Variants in RYR2 observed in about 807,000 individuals in gnomAD.
RYR2 encodes the protein ryanodine receptor 2.
In RYR2, 227 loss-of-function variants were observed where a neutral mutation model predicts 601.1. The ratio of observed to expected loss-of-function variants is 0.38; its 90% CI spans 0.34 to 0.42. The LOEUF (loss-of-function observed/expected upper bound fraction) is 0.42. Among genes scored for constraint, RYR2 ranks in the 10% least tolerant of loss-of-function variants. The pLI, the probability that RYR2 is intolerant of heterozygous loss-of-function variation, is 1.00. For missense variants in RYR2, 4,646 were observed against 6,156.5 expected, an observed-to-expected ratio of 0.75 and a Z score of 8.21; for synonymous variants, 2,223 against 2,175.1, an observed-to-expected ratio of 1.02 and a Z score of -0.61.
chr1:237,738,508 T>G (rs1042124828), intron 79 of RYR2, among the ~76,000 whole-genome samples: 5 of 152,104 alleles, frequency 3.3e-5, no homozygotes, highest in African/African-American at 7.2e-5. Flanking sequence ...CTTGCTTTTC[T>G]TTTCATGTAG....
At chr1:237,237,622 C>A (rs1685680252) in intron 1 of RYR2, among the ~76,000 whole-genome samples, 1 of 152,082 alleles carries the variant, frequency 6.6e-6, no homozygotes, top group African/African-American at 2.4e-5. Context: ...AGATAACAGG[C>A]CCTGAAAGAA....
intron 65 of RYR2, among the ~76,000 whole-genome samples, chr1:237,701,124 C>T (rs956071124): frequency 5.9e-5 from 9 of 152,248 alleles, no homozygotes; most frequent in Non-Finnish European, 1.3e-4. Context: ...AACTCAGACT[C>T]GTGCATTGTC....
chr1:237,446,800 A>G (rs756742525), intron 14 of RYR2, among the ~76,000 whole-genome samples: 11 of 152,068 alleles, frequency 7.2e-5, no homozygotes, highest in Non-Finnish European at 1.5e-4. Context: ...TATGCACCAC[A>G]TTTTTGTATT....
intron 12 of RYR2, among the ~76,000 whole-genome samples, chr1:237,428,266 A>G (rs1237860037): frequency 6.6e-6 from 1 of 152,218 alleles, no homozygotes. Context: ...TACCCAAAGG[A>G]ATATAAATCA....
chr1:237,683,275 A>G (rs1309398872), intron 62 of RYR2, among the ~76,000 whole-genome samples: 1 of 152,220 alleles, frequency 6.6e-6, no homozygotes, highest in Non-Finnish European at 1.5e-5. Context: ...AATTAAAACC[A>G]ATGTTTCCAT....
At position 237,417,074 on chromosome 1, in the gene RYR2, G is replaced by GT; in HGVS notation, c.800dup (p.Ser268ValfsTer56). Reference sequence around the variant, plus strand: ...AACTGTTCATTATGAAGGTGGCGCTGTGTCTGTTCATGCACGTTCCCTTTG... The same window carrying GT: ...AACTGTTCATTATGAAGGTGGCGCTGTTGTCTGTTCATGCACGTTCCCTTTG... On this transcript the variant is annotated frameshift_variant, in exon 11 of 105. Coordinates refer to ENST00000366574, the MANE Select transcript of RYR2 (RefSeq NM_001035.3). LOFTEE classifies it high-confidence loss of function. 1 of 1,613,922 alleles carries GT rather than the reference G, an allele frequency of 6.2e-7. No individual in the cohort carries two copies. Among genetic ancestry groups the GT allele is most frequent in the Non-Finnish European group, 8.5e-7 (1 of 1,179,824 alleles).
chr1:237,666,396 G>T, intron 56 of RYR2, 116 bp from the exon 57 acceptor site: 1 of 853,070 alleles, frequency 1.2e-6, no homozygotes. Context: ...AAACTTGCCA[G>T]TTTTATCTAA....
rs566026695 is a variant in RYR2, at chr1:237,748,318, A to G, written c.11145+5969A>G. ...CAGTGCCTCCCCGGGGAAGGAGGAT[A>G]GGCACTTTATATGCAGGTTCCTTAC... On this transcript the variant is annotated intron_variant, in intron 80 of 104. Coordinates refer to ENST00000366574, the MANE Select transcript of RYR2 (RefSeq NM_001035.3). Among the ~76,000 whole-genome samples, 229 of 151,922 alleles carry G rather than the reference A, an allele frequency of 1.5e-3. 1 individual carries two copies. The highest frequency in any genetic ancestry group is 2.6e-3 in the Non-Finnish European group (177 of 67,810).
At chr1:237,452,240 TTATAA>T (rs1658261609) in intron 14 of RYR2, among the ~76,000 whole-genome samples, 1 of 146,150 alleles carries the variant, frequency 6.8e-6, no homozygotes, top group South Asian at 2.1e-4. Flanking sequence ...ATGTAGTATA[TTATAA>T]TGTATAGTAT....
At chr1:237,315,896 G>T (rs1164934771) in intron 2 of RYR2, among the ~76,000 whole-genome samples, 3 of 152,086 alleles carry the variant, frequency 2.0e-5, no homozygotes, top group African/African-American at 7.2e-5. Flanking sequence ...TACCAGATAG[G>T]GAGTTTGGAC....
intron 8 of RYR2, among the ~76,000 whole-genome samples, chr1:237,382,103 G>C (rs534156502): frequency 9.9e-5 from 15 of 152,238 alleles, no homozygotes; most frequent in Non-Finnish European, 2.1e-4. Context: ...AATCACTCCA[G>C]TAAGCCCAAA....
intron 96 of RYR2, 118 bp downstream of exon 96, chr1:237,795,449 C>T (rs943633170): frequency 1.5e-5 from 7 of 459,294 alleles, no homozygotes; most frequent in Non-Finnish European, 2.6e-5. Flanking sequence ...TTAATGTCTC[C>T]ATTTTTTTTT....
At chr1:237,645,962 C>T (rs369505098) in intron 48 of RYR2, among the ~76,000 whole-genome samples, 8 of 150,940 alleles carry the variant, frequency 5.3e-5, no homozygotes, top group Non-Finnish European at 8.9e-5. Context: ...CTGCAAGCTC[C>T]GCCTCCCGGG....
chr1:237,687,417 C>A, intron 62 of RYR2, 38 bp from the exon 63 acceptor site: 2 of 1,094,468 alleles, frequency 1.8e-6, no homozygotes, highest in East Asian at 2.5e-5. Flanking sequence ...CTTCCCTTCC[C>A]CCTTCCCTTT....
At chr1:237,720,699 C>T (rs1343840807) in intron 73 of RYR2, among the ~76,000 whole-genome samples, 1 of 152,146 alleles carries the variant, frequency 6.6e-6, no homozygotes, top group East Asian at 1.9e-4. Context: ...GACCCTAGAC[C>T]ATACCTGGAG....
intron 1 of RYR2, among the ~76,000 whole-genome samples, chr1:237,043,339 G>T (rs1357100518): frequency 1.3e-5 from 2 of 152,146 alleles, no homozygotes; most frequent in Non-Finnish European, 2.9e-5. Context: ...CATCGTGAAC[G>T]TGTCGTTCTC....
At chr1:237,654,026 A>AC in intron 51 of RYR2, among the ~76,000 whole-genome samples, 1 of 152,164 alleles carries the variant, frequency 6.6e-6, no homozygotes, top group African/African-American at 2.4e-5. Context: ...TCCTTTGGCA[A>AC]CCCCCTCACA....
intron 1 of RYR2, among the ~76,000 whole-genome samples, chr1:237,134,841 C>T (rs1384803884): frequency 2.6e-5 from 4 of 152,186 alleles, no homozygotes; most frequent in Non-Finnish European, 5.9e-5. Context: ...TGATTTTTAT[C>T]ATCCCTGTTT....
intron 12 of RYR2, among the ~76,000 whole-genome samples, chr1:237,431,982 G>C (rs1252661634): frequency 6.6e-6 from 1 of 152,072 alleles, no homozygotes; most frequent in Non-Finnish European, 1.5e-5. Flanking sequence ...TTTATATTCT[G>C]TGAGTAAGTT....
Sources: allele counts gnomAD v4.1 joint callset (sites outside exome capture counted in the v4.1 genomes callset), GRCh38; gene constraint gnomAD v4.1.1; transcripts MANE v1.5; gene names NCBI Gene and HGNC (gene_info 2026-07-23, HGNC 2026-07-21).